SLCO4C1: variants seen among roughly 807,000 people sequenced by gnomAD.
The protein encoded by SLCO4C1 is solute carrier organic anion transporter family member 4C1, also known as organic anion transporter M1.
In SLCO4C1, 58 loss-of-function variants were observed where a neutral mutation model predicts 72.1. The ratio of observed to expected loss-of-function variants is 0.80; its 90% confidence interval spans 0.65 to 1.00. The LOEUF is 1.00. Among genes scored for constraint, SLCO4C1 ranks in the 50% least tolerant of loss-of-function variants. The pLI is 0.00. For synonymous variants in SLCO4C1, 297 were observed against 312.5 expected (o/e 0.95, Z 0.52); for missense variants, 898 against 857.9 (o/e 1.05, Z -0.58).
At chr5:102,279,193 A>C (rs904844552) in intron 2 of SLCO4C1, among the ~76,000 whole-genome samples, 1 of 151,908 alleles carries the variant, frequency 6.6e-6, no homozygotes, top group Non-Finnish European at 1.5e-5. Flanking sequence ...TATAATAAAT[A>C]AATACTAGGA....
chr5:102,290,446 C>T (rs1366388772), intron 2 of SLCO4C1, among the ~76,000 whole-genome samples: 1 of 152,198 alleles, frequency 6.6e-6, no homozygotes, highest in East Asian at 1.9e-4. Context: ...CTCCATGACC[C>T]AAACACCTCC....
At chr5:102,272,881 G>A (rs555164783) in intron 2 of SLCO4C1, among the ~76,000 whole-genome samples, 11 of 152,134 alleles carry the variant, frequency 7.2e-5, no homozygotes, top group East Asian at 1.9e-4. Flanking sequence ...GCTGGAACCC[G>A]GGAGGAGGAG....
intron 8 of SLCO4C1, among the ~76,000 whole-genome samples, chr5:102,252,596 A>C (rs1748761362): frequency 6.6e-6 from 1 of 152,190 alleles, no homozygotes; most frequent in African/African-American, 2.4e-5. Flanking sequence ...TAGCCTTTAC[A>C]CAGCAATTTT....
intron 1 of SLCO4C1, 25 bp from the exon 2 acceptor site, chr5:102,291,631 C>T (rs777287469): frequency 1.3e-6 from 2 of 1,561,954 alleles, no homozygotes; most frequent in Admixed American, 1.8e-5. Context: ...AGTTGATGTG[C>T]ATCATTAATA....
At chr5:102,272,126 A>G (rs74938991) in intron 2 of SLCO4C1, among the ~76,000 whole-genome samples, 5,150 of 152,258 alleles carry the variant, frequency 0.034, 101 homozygotes, top group African/African-American at 0.056. Flanking sequence ...CAGGGCTGTG[A>G]AGTGCTAAGT....
intron 2 of SLCO4C1, among the ~76,000 whole-genome samples, chr5:102,282,416 GT>G (rs1481168012): frequency 6.6e-6 from 1 of 151,856 alleles, no homozygotes; most frequent in African/African-American, 2.4e-5. Flanking sequence ...AGTGAATTGA[GT>G]TTTTTTCTCT....
chr5:102,287,534 CTTTTTTTTTTT>C (rs148132091), intron 2 of SLCO4C1, among the ~76,000 whole-genome samples: 1 of 79,970 alleles, frequency 1.3e-5, no homozygotes, highest in Non-Finnish European at 2.3e-5. Context: ...TTTTTCACTT[CTTTTTTTTTTT>C]TTTTTTTTTT....
chr5:102,295,964 C>A lies in SLCO4C1; in HGVS notation c.299G>T (p.Arg100Leu). The change falls in exon 1 of 13, where the codon CGC (arginine) becomes CTC (leucine). Residue 100 changes from arginine (R) to leucine (L), a missense_variant. Arg to Leu is a moderately radical substitution (Grantham distance 102). Transcript: ENST00000310954. ...WRNFHPQCLQ[R>L]CNTPGGFLLH... Reference sequence around the variant, plus strand: ...CAGAAAGCCTCCAGGTGTGTTGCAGCGCTGGAGACATTGAGGATGGAAGTT... The same window carrying A: ...CAGAAAGCCTCCAGGTGTGTTGCAGAGCTGGAGACATTGAGGATGGAAGTT... The A allele has an allele frequency of 6.2e-7, 1 of 1,614,232 alleles. No individual in the cohort carries two copies. The highest frequency in any genetic ancestry group is 8.5e-7 in the Non-Finnish European group (1 of 1,180,038).
At chr5:102,265,375 A>G (rs918087791) in intron 3 of SLCO4C1, among the ~76,000 whole-genome samples, 1 of 152,106 alleles carries the variant, frequency 6.6e-6, no homozygotes, top group Non-Finnish European at 1.5e-5. Flanking sequence ...TTGCAGTCTT[A>G]GCCATATAAT....
At chr5:102,284,797 T>C (rs1388288026) in intron 2 of SLCO4C1, among the ~76,000 whole-genome samples, 2 of 152,180 alleles carry the variant, frequency 1.3e-5, no homozygotes, top group Non-Finnish European at 2.9e-5. Context: ...CAGCAAACTA[T>C]AGCTTGTAAT....
chr5:102,284,992 G>A (rs1749423602), intron 2 of SLCO4C1, among the ~76,000 whole-genome samples: 1 of 151,956 alleles, frequency 6.6e-6, no homozygotes, highest in Non-Finnish European at 1.5e-5. Flanking sequence ...GCAATAATCT[G>A]GAAAGGAAAA....
Position 102,236,959 on chromosome 5 carries a change from G to GT in SLCO4C1, c.2073dup (p.Pro692ThrfsTer12), listed in dbSNP as rs1748447906. The GT allele has an allele frequency of 6.2e-7, 1 of 1,611,940 alleles. No homozygotes were observed. The highest frequency in any genetic ancestry group is 2.2e-5 in the East Asian group (1 of 44,734). On this transcript the variant is annotated frameshift_variant, in exon 13 of 13. Transcript: ENST00000310954. LOFTEE classifies it low-confidence loss of function (END_TRUNC). ...GACACATCTGTGGCTGATGGAGGTG[G>GT]TTTATACAAAAAGATTGCAAATCCA...
At chr5:102,266,139 T>G (rs1302160269) in intron 3 of SLCO4C1, among the ~76,000 whole-genome samples, 1 of 152,224 alleles carries the variant, frequency 6.6e-6, no homozygotes, top group Non-Finnish European at 1.5e-5. Flanking sequence ...CTACTGATTT[T>G]TTTAATGTGA....
At chr5:102,255,700 C>T (rs116708075) in intron 8 of SLCO4C1, among the ~76,000 whole-genome samples, 3,043 of 152,184 alleles carry the variant, frequency 0.02, 106 homozygotes, top group African/African-American at 0.07. Flanking sequence ...TTTTTAAACC[C>T]CATTTCACTA....
At chr5:102,291,254 C>G in intron 2 of SLCO4C1, 89 bp downstream of exon 2, 1 of 1,350,732 alleles carries the variant, frequency 7.4e-7, no homozygotes, top group Non-Finnish European at 1.0e-6. Context: ...CCTTACCATA[C>G]TGTGTAAGTG....
chr5:102,271,395 TA>T (rs1340226502), intron 2 of SLCO4C1, among the ~76,000 whole-genome samples: 3 of 151,428 alleles, frequency 2.0e-5, no homozygotes, highest in South Asian at 2.1e-4. Context: ...ATGATGTACA[TA>T]TTTTTTTAAG....
intron 2 of SLCO4C1, among the ~76,000 whole-genome samples, chr5:102,288,206 G>A (rs1749491644): frequency 6.6e-6 from 1 of 152,114 alleles, no homozygotes; most frequent in African/African-American, 2.4e-5. Flanking sequence ...CACGTATTTT[G>A]GGGATATACA....
At chr5:102,283,543 T>A (rs1749394306) in intron 2 of SLCO4C1, among the ~76,000 whole-genome samples, 1 of 149,300 alleles carries the variant, frequency 6.7e-6, no homozygotes, top group African/African-American at 2.5e-5. Context: ...TAGAATTTCC[T>A]CATTTATTTC....
chr5:102,296,086 T>G lies in SLCO4C1; in HGVS notation c.177A>C (p.Pro59=), dbSNP rs10479190. 0.23 allele frequency: 369,677 copies of G among 1,614,090 alleles called. 45,926 individuals are homozygous for G. The highest frequency in any genetic ancestry group is 0.25 in the Middle Eastern group (1,491 of 6,060). Residue 59 remains proline (P), a synonymous_variant, in exon 1 of 13, where the codon CCA becomes CCC. Coordinates refer to ENST00000310954, the MANE Select transcript of SLCO4C1 (RefSeq NM_180991.5). ...GAGGGGCTGAAGGCAGAGATGGCTC[T>G]GGTGACTTCTGGGGCTCCTGGGGCT... ...LQKPQEPQKS[P]EPSLPSAPPN... is the part of the protein sequence containing the mutation.
Sources: gnomAD v4.1 joint callset for allele counts (sites outside exome capture counted in the v4.1 genomes callset) on GRCh38, gnomAD v4.1.1 for gene constraint, MANE v1.5 for transcripts, NCBI Gene and HGNC (gene_info 2026-07-23, HGNC 2026-07-21) for gene names.